The following CNTNAP2 variants were observed in gnomAD, a reference collection of about 807,000 sequenced individuals.
CNTNAP2 encodes the protein contactin-associated protein-like 2.
CNTNAP2 carries 98 observed loss-of-function variants against 155.2 expected under a neutral mutation model. That is an observed-to-expected ratio of 0.63 (90% CI 0.54 to 0.75). The LOEUF (loss-of-function observed/expected upper bound fraction) is 0.75. Ranked by LOEUF, CNTNAP2 falls within the 30% of genes least tolerant of loss-of-function variation. The probability of loss-of-function intolerance (pLI) is 0.00; values close to 1 mark genes in which losing one functional copy is unlikely to be tolerated. For missense variants in CNTNAP2, 1,727 were observed against 1,688.1 expected (o/e 1.02, Z -0.40); for synonymous variants, 651 against 631.2 (o/e 1.03, Z -0.47).
intron 20 of CNTNAP2, among the ~76,000 whole-genome samples, chr7:148,245,035 T>C (rs1209279017): frequency 6.6e-6 from 1 of 152,186 alleles, no homozygotes; most frequent in African/African-American, 2.4e-5. Context: ...ACCTTTTGTA[T>C]TTATATTTAC....
At chr7:147,325,039 C>T (rs1011768777) in intron 9 of CNTNAP2, among the ~76,000 whole-genome samples, 2 of 152,148 alleles carry the variant, frequency 1.3e-5, no homozygotes, top group African/African-American at 4.8e-5. Flanking sequence ...CACAGTGGCT[C>T]ATGCCTGTAA....
intron 21 of CNTNAP2, among the ~76,000 whole-genome samples, chr7:148,297,927 C>G (rs1797313968): frequency 6.6e-6 from 1 of 152,102 alleles, no homozygotes; most frequent in Admixed American, 6.5e-5. Context: ...CTGTGAGTTC[C>G]CAAACAGCTC....
intron 3 of CNTNAP2, among the ~76,000 whole-genome samples, chr7:146,911,506 G>A (rs553822313): frequency 6.6e-6 from 1 of 152,064 alleles, no homozygotes; most frequent in Non-Finnish European, 1.5e-5. Context: ...ATCCTTTGTA[G>A]GGACATGGAT....
Position 146,773,377 on chromosome 7 carries a change from C to T in CNTNAP2, c.98-894C>T, listed in dbSNP as rs1371762630. 3.3e-5 allele frequency among the ~76,000 whole-genome samples: 5 copies of T among 152,198 alleles called. No individual in the cohort carries two copies. The South Asian group carries it at 8.3e-4, about 25-fold the overall frequency. On this transcript the variant is annotated intron_variant, in intron 1 of 23. Coordinates refer to ENST00000361727, the MANE Select transcript of CNTNAP2 (RefSeq NM_014141.6). ...CAAGTTGATGGTTATTCTGTCTTTA[C>T]TTGCTGATGTCTAGTTCTTTCTTTC...
chr7:148,039,274 C>A (rs1276618890), intron 15 of CNTNAP2, among the ~76,000 whole-genome samples: 2 of 152,182 alleles, frequency 1.3e-5, no homozygotes, highest in African/African-American at 4.8e-5. Flanking sequence ...TGGCCAAGGA[C>A]AGGAGAAGGA....
intron 2 of CNTNAP2, among the ~76,000 whole-genome samples, chr7:146,836,792 A>C (rs1261464597): frequency 6.6e-6 from 1 of 152,220 alleles, no homozygotes; most frequent in African/African-American, 2.4e-5. Flanking sequence ...TTTTTATAGT[A>C]TACACATAAA....
chr7:146,869,567 G>A (rs946825529), intron 3 of CNTNAP2, among the ~76,000 whole-genome samples: 1 of 152,156 alleles, frequency 6.6e-6, no homozygotes, highest in Non-Finnish European at 1.5e-5. Flanking sequence ...AAGGAAGCCA[G>A]TAGTGGCTCA....
At chr7:146,743,820 C>A (rs926411042) in intron 1 of CNTNAP2, among the ~76,000 whole-genome samples, 13 of 152,082 alleles carry the variant, frequency 8.5e-5, no homozygotes, top group Non-Finnish European at 1.6e-4. Context: ...GAAATGTTAC[C>A]TCCATATTCA....
intron 13 of CNTNAP2, among the ~76,000 whole-genome samples, chr7:147,826,608 A>G (rs1012640066): frequency 6.6e-6 from 1 of 152,240 alleles, no homozygotes; most frequent in Non-Finnish European, 1.5e-5. Flanking sequence ...TTTGGCATTT[A>G]TACCCCAGGT....
intron 1 of CNTNAP2, among the ~76,000 whole-genome samples, chr7:146,465,558 A>G (rs1054559230): frequency 6.6e-6 from 1 of 152,176 alleles, no homozygotes; most frequent in Non-Finnish European, 1.5e-5. Context: ...GTCTGTTTGA[A>G]TCATCAAATC....
At chr7:147,852,618 A>G (rs1798967261) in intron 13 of CNTNAP2, among the ~76,000 whole-genome samples, 2 of 152,212 alleles carry the variant, frequency 1.3e-5, no homozygotes, top group South Asian at 4.1e-4. Flanking sequence ...CATTCATTGC[A>G]AGAATGTTTG....
At chr7:148,088,264 A>T (rs1436026086) in intron 15 of CNTNAP2, among the ~76,000 whole-genome samples, 1 of 152,060 alleles carries the variant, frequency 6.6e-6, no homozygotes, top group Non-Finnish European at 1.5e-5. Context: ...TCAAACCCTT[A>T]ATAAAATCTA....
intron 2 of CNTNAP2, among the ~76,000 whole-genome samples, chr7:146,829,654 T>G (rs1803473308): frequency 6.6e-6 from 1 of 152,112 alleles, no homozygotes; most frequent in Non-Finnish European, 1.5e-5. Flanking sequence ...CACGTATACT[T>G]TTAGAATGTG....
intron 3 of CNTNAP2, among the ~76,000 whole-genome samples, chr7:147,034,538 C>T (rs575456397): frequency 3.3e-5 from 5 of 152,294 alleles, no homozygotes; most frequent in African/African-American, 9.6e-5. Flanking sequence ...TTGTGTTAAT[C>T]GGTTCAATTA....
At chr7:146,947,312 T>A (rs1017784732) in intron 3 of CNTNAP2, among the ~76,000 whole-genome samples, 4 of 150,878 alleles carry the variant, frequency 2.7e-5, no homozygotes, top group Non-Finnish European at 4.4e-5. Flanking sequence ...TCATTAGCAA[T>A]GTCATATAAA....
rs191785221 is a variant in CNTNAP2, at chr7:147,128,937, A to C, written c.1083+101A>C. The C allele has an allele frequency of 6.7e-5, 101 of 1,504,180 alleles. No homozygotes were observed. The African/African-American group carries it at 1.1e-3, about 17-fold the overall frequency. 93.2% of individuals were successfully genotyped at this position (1,504,180 alleles called of 1,614,324 possible). On this transcript the variant is annotated intron_variant, in intron 7 of 23. Transcript: ENST00000361727. ...CAACAAAATCATGACATTTTTCATC[A>C]TATTTGTGTTTGGGCAAAATGATGT... is the stretch of plus-strand genomic sequence containing the variant.
intron 14 of CNTNAP2, among the ~76,000 whole-genome samples, chr7:147,931,278 AAG>A (rs1209673203): frequency 6.6e-6 from 1 of 151,822 alleles, no homozygotes; most frequent in African/African-American, 2.4e-5. Context: ...CTAAAAAAAA[AAG>A]AGAAAAAAAC....
intron 1 of CNTNAP2, among the ~76,000 whole-genome samples, chr7:146,389,598 T>C (rs1344044433): frequency 1.3e-5 from 2 of 151,760 alleles, no homozygotes; most frequent in African/African-American, 4.8e-5. Flanking sequence ...TTCCCTCCTT[T>C]TTCTATAGCA....
At position 147,607,632 on chromosome 7, in the gene CNTNAP2, A is replaced by G. The variant is rs114825730; in HGVS notation, c.1898-31474A>G. On this transcript the variant is annotated intron_variant, in intron 12 of 23. Transcript: ENST00000361727. ...TTTGAAGACACAGACTGTGATGTGA[A>G]CTAGGGTCAACATGAAAGGCAGCGC... is the stretch of plus-strand genomic sequence containing the variant. Among the ~76,000 whole-genome samples the G allele has an allele frequency of 5.0e-3, 762 of 152,228 alleles. 7 individuals are homozygous for G. Among genetic ancestry groups the G allele is most frequent in the African/African-American group, 0.018 (728 of 41,548 alleles).
Sources: gnomAD v4.1 joint callset for allele counts (sites outside exome capture counted in the v4.1 genomes callset) on GRCh38, gnomAD v4.1.1 for gene constraint, MANE v1.5 for transcripts, NCBI Gene and HGNC (gene_info 2026-07-23, HGNC 2026-07-21) for gene names.